Variants in MECOM observed in about 807,000 individuals in gnomAD.
MECOM encodes the protein histone-lysine N-methyltransferase MECOM.
MECOM carries 13 observed loss-of-function variants against 116.3 expected under a neutral mutation model. The observed-to-expected ratio is 0.11, with a 90% CI of 0.07 to 0.18. The LOEUF is 0.18. Ranked by LOEUF, MECOM falls within the 10% of genes least tolerant of loss-of-function variation. The pLI is 1.00. For synonymous variants in MECOM, 528 were observed against 535.2 expected (o/e 0.99, Z 0.19); for missense variants, 1,299 against 1,509.0 (o/e 0.86, Z 2.31).
At chr3:169,434,404 C>T (rs1167468889) in intron 1 of MECOM, among the ~76,000 whole-genome samples, 8 of 149,444 alleles carry the variant, frequency 5.4e-5, no homozygotes, top group African/African-American at 2.0e-4. Context: ...TGTAGATAAG[C>T]ACAGTGGAGA....
intron 2 of MECOM, among the ~76,000 whole-genome samples, chr3:169,206,580 C>T (rs1459232725): frequency 1.3e-5 from 2 of 151,638 alleles, no homozygotes; most frequent in South Asian, 2.1e-4. Context: ...GGTGAAACTC[C>T]GTCTCTACTA....
At chr3:169,434,725 A>C (rs546387316) in intron 1 of MECOM, among the ~76,000 whole-genome samples, 1 of 152,208 alleles carries the variant, frequency 6.6e-6, no homozygotes, top group Non-Finnish European at 1.5e-5. Context: ...GCAAATTTTT[A>C]AGAGAGGAGA....
intron 2 of MECOM, among the ~76,000 whole-genome samples, chr3:169,212,188 C>A (rs1750811103): frequency 6.6e-6 from 1 of 152,024 alleles, no homozygotes; most frequent in Non-Finnish European, 1.5e-5. Flanking sequence ...TCTCCTTCCA[C>A]TACACTTCTC....
chr3:169,182,497 A>G (rs1746101407), intron 2 of MECOM, among the ~76,000 whole-genome samples: 1 of 152,254 alleles, frequency 6.6e-6, no homozygotes, highest in African/African-American at 2.4e-5. Flanking sequence ...TTGTGAGTCT[A>G]CGTTTACAGG....
chr3:169,144,589 G>C (rs2149292834), intron 2 of MECOM, among the ~76,000 whole-genome samples: 1 of 152,058 alleles, frequency 6.6e-6, no homozygotes, highest in South Asian at 2.1e-4. Flanking sequence ...TTTTACATTT[G>C]GCCCATCTAA....
chr3:169,555,511 G>T (rs1479140300), intron 1 of MECOM, among the ~76,000 whole-genome samples: 7 of 152,158 alleles, frequency 4.6e-5, no homozygotes, highest in Non-Finnish European at 1.0e-4. Context: ...ACAAAAGAAA[G>T]AAGCTTTAAT....
At chr3:169,561,040 A>G (rs1389765470) in intron 1 of MECOM, among the ~76,000 whole-genome samples, 1 of 151,966 alleles carries the variant, frequency 6.6e-6, no homozygotes, top group African/African-American at 2.4e-5. Context: ...AAGGAAATCC[A>G]AATGGTAATA....
intron 2 of MECOM, among the ~76,000 whole-genome samples, chr3:169,297,173 T>C (rs1434605767): frequency 1.3e-5 from 2 of 152,188 alleles, no homozygotes; most frequent in Non-Finnish European, 2.9e-5. Context: ...AAACCAAAAA[T>C]GCTAAAGTAT....
At chr3:169,374,050 T>C (rs1371023444) in intron 2 of MECOM, among the ~76,000 whole-genome samples, 3 of 151,858 alleles carry the variant, frequency 2.0e-5, no homozygotes, top group Non-Finnish European at 4.4e-5. Context: ...TAAGGTTAAA[T>C]AAGTTCACAA....
At chr3:169,325,708 C>T (rs1050057775) in intron 2 of MECOM, among the ~76,000 whole-genome samples, 2 of 152,204 alleles carry the variant, frequency 1.3e-5, no homozygotes, top group African/African-American at 4.8e-5. Flanking sequence ...CCAACAAAGT[C>T]TGCTGCTCCT....
chr3:169,606,149 C>T (rs149503687), intron 1 of MECOM, among the ~76,000 whole-genome samples: 1 of 152,136 alleles, frequency 6.6e-6, no homozygotes, highest in Non-Finnish European at 1.5e-5. Flanking sequence ...CGGTGGCTCA[C>T]GCCTGTAATC....
intron 2 of MECOM, among the ~76,000 whole-genome samples, chr3:169,316,443 TGA>T (rs1719759599): frequency 6.6e-6 from 1 of 152,280 alleles, no homozygotes. Context: ...CAAAGTTTGA[TGA>T]TTTTATATTG....
rs187374333 is a variant in MECOM, at chr3:169,451,063, A to T, written c.38-69539T>A. On this transcript the variant is annotated intron_variant, in intron 1 of 16. Coordinates refer to ENST00000651503, the MANE Select transcript of MECOM (RefSeq NM_004991.4). ...AATCTAGATCTTTGTTAGCTAAAGG[A>T]CATTTTTTTAATCCAGTCATCTTTC... is the stretch of plus-strand genomic sequence containing the variant. Among the ~76,000 whole-genome samples the T allele has an allele frequency of 1.4e-3, 219 of 152,280 alleles. 2 individuals carry two copies. The highest frequency in any genetic ancestry group is 2.3e-3 in the Admixed American group (35 of 15,284).
At chr3:169,176,953 A>G (rs1008269648) in intron 2 of MECOM, among the ~76,000 whole-genome samples, 2 of 152,202 alleles carry the variant, frequency 1.3e-5, no homozygotes, top group African/African-American at 4.8e-5. Context: ...GATTATTTAA[A>G]AGTCAAGAAA....
chr3:169,519,457 T>C (rs1423586618), intron 1 of MECOM, among the ~76,000 whole-genome samples: 1 of 152,214 alleles, frequency 6.6e-6, no homozygotes, highest in African/African-American at 2.4e-5. Context: ...CAGCTATGTA[T>C]AGTCACAATC....
chr3:169,241,370 G>A (rs1754790940), intron 2 of MECOM, among the ~76,000 whole-genome samples: 1 of 151,950 alleles, frequency 6.6e-6, no homozygotes, highest in Non-Finnish European at 1.5e-5. Flanking sequence ...TAAATCTTAG[G>A]GTTCATGAGC....
At chr3:169,132,979 C>T (rs1199359501) in intron 3 of MECOM, among the ~76,000 whole-genome samples, 1 of 151,898 alleles carries the variant, frequency 6.6e-6, no homozygotes, top group African/African-American at 2.4e-5. Context: ...GTCTCGAACT[C>T]CTGGGCTCAA....
intron 2 of MECOM, among the ~76,000 whole-genome samples, chr3:169,180,462 T>A (rs763898858): frequency 5.3e-5 from 8 of 152,092 alleles, no homozygotes; most frequent in Non-Finnish European, 7.4e-5. Flanking sequence ...AATAAATATC[T>A]CAAAGATTGA....
chr3:169,312,679 A>G (rs1719027254), intron 2 of MECOM, among the ~76,000 whole-genome samples: 1 of 152,082 alleles, frequency 6.6e-6, no homozygotes, highest in African/African-American at 2.4e-5. Context: ...TGCCTGGCCA[A>G]CTCCAATTTT....
Sources: allele counts gnomAD v4.1 joint callset (sites outside exome capture counted in the v4.1 genomes callset), GRCh38; gene constraint gnomAD v4.1.1; transcripts MANE v1.5; gene names NCBI Gene and HGNC (gene_info 2026-07-23, HGNC 2026-07-21).